The following TRAPPC8 variants were observed in gnomAD, a reference collection of about 807,000 sequenced individuals.
TRAPPC8 encodes trafficking protein particle complex subunit 8.
Under a neutral mutation model 174.3 loss-of-function variants are expected in TRAPPC8, and 54 were observed. That is an observed-to-expected ratio of 0.31 (90% CI 0.25 to 0.39). The LOEUF (loss-of-function observed/expected upper bound fraction) is 0.39, where lower values mean the gene tolerates loss of function less well. TRAPPC8 is among the 10% of genes least tolerant of loss of function. TRAPPC8 has a pLI of 1.00. For synonymous variants in TRAPPC8, 630 were observed against 579.9 expected (o/e 1.09, Z -1.24); for missense variants, 1,531 against 1,699.1 (o/e 0.90, Z 1.74).
intron 12 of TRAPPC8, among the ~76,000 whole-genome samples, chr18:31,881,948 T>A (rs2035476622): frequency 1.3e-5 from 2 of 152,102 alleles, no homozygotes; most frequent in Admixed American, 6.6e-5. Context: ...CATACCAGTT[T>A]AGAATGGCTA....
At chr18:31,873,643 G>T in intron 13 of TRAPPC8, 105 bp from the exon 14 acceptor site, 1 of 715,696 alleles carries the variant, frequency 1.4e-6, no homozygotes, top group Non-Finnish European at 2.3e-6. Context: ...TGTTAAGCAA[G>T]AATATTAAGA....
rs1276045912 is a variant in TRAPPC8 at position 31,861,935 on chromosome 18, A to G, written c.2745+2692T>C. Reference sequence around the variant, plus strand: ...GCGATCCCGTCTCCAGAAAAAAAAAAAGGGGGGGGGGGGCGGTGGGGGAGG... The same window carrying G: ...GCGATCCCGTCTCCAGAAAAAAAAAGAGGGGGGGGGGGGCGGTGGGGGAGG... On this transcript the variant is annotated intron_variant, in intron 19 of 28. Coordinates refer to ENST00000283351, the MANE Select transcript of TRAPPC8 (RefSeq NM_014939.5). Among the ~76,000 whole-genome samples the G allele has an allele frequency of 5.2e-4, 24 of 46,238 alleles. No individual in the cohort carries two copies. The East Asian group carries it at 7.1e-3, about 14-fold the overall frequency. 30.3% of individuals were successfully genotyped at this position (46,238 alleles called of 152,430 possible). A position where few individuals can be genotyped will look rare whatever the true frequency, so the allele number is the denominator to read the frequency against.
At chr18:31,938,074 G>A (rs938807804) in intron 1 of TRAPPC8, among the ~76,000 whole-genome samples, 2 of 152,054 alleles carry the variant, frequency 1.3e-5, no homozygotes, top group African/African-American at 4.8e-5. Flanking sequence ...CCAAGTTAGT[G>A]TTTAAGTGAA....
In TRAPPC8 at chr18:31,857,608, A is replaced by C; in HGVS notation, c.3120T>G (p.Asp1040Glu). Residue 1040 changes from aspartate to glutamate, a missense_variant, in exon 20 of 29, where the codon GAT becomes GAG. Coordinates refer to ENST00000283351, the MANE Select transcript of TRAPPC8 (RefSeq NM_014939.5). ...VQLPMWLRGP[D>E]EEGVHEINFL... ...AGTTAATTTCATGGACACCTTCTTC[A>C]TCAGGCCCACGTAACCACATTGGCA... The C allele has an allele frequency of 6.2e-7, 1 of 1,613,462 alleles. No homozygotes were observed. The highest frequency in any genetic ancestry group is 8.5e-7 in the Non-Finnish European group (1 of 1,179,818).
At chr18:31,940,780 A>G (rs529502111) in intron 1 of TRAPPC8, among the ~76,000 whole-genome samples, 15 of 152,158 alleles carry the variant, frequency 9.9e-5, no homozygotes, top group Admixed American at 5.9e-4. Flanking sequence ...TACAAGCGTG[A>G]GCCACCGCGC....
At chr18:31,941,111 CAT>C (rs1403633240) in intron 1 of TRAPPC8, among the ~76,000 whole-genome samples, 4 of 152,116 alleles carry the variant, frequency 2.6e-5, no homozygotes, top group African/African-American at 9.7e-5. Flanking sequence ...AAAGAGTACA[CAT>C]ATAAAAGTAA....
At chr18:31,876,505 A>AAAAAAAAAAAAAAAAAAC (rs2035158984) in intron 12 of TRAPPC8, among the ~76,000 whole-genome samples, 1 of 150,044 alleles carries the variant, frequency 6.7e-6, no homozygotes, top group Non-Finnish European at 1.5e-5. Context: ...AAAAAAAAAA[A>AAAAAAAAAAAAAAAAAAC]AAAAAAAGAT....
In TRAPPC8 at chr18:31,908,710, T is replaced by A. The variant is rs200182599; in HGVS notation, c.1122+44A>T. ...GTTTAATAATTCTTAAATTTACTAT[T>A]TACTTAAATTTTTAAAATACTAATC... On this transcript the variant is annotated intron_variant, in intron 7 of 28. Transcript: ENST00000283351. 6.2e-6 allele frequency: 9 copies of A among 1,462,038 alleles called. No homozygotes were observed. In the Admixed American group the frequency reaches 1.7e-4, roughly 27 times the overall value. 90.6% of individuals were successfully genotyped at this position (1,462,038 alleles called of 1,614,324 possible). A position where few individuals can be genotyped will look rare whatever the true frequency, so the allele number is the denominator to read the frequency against.
At chr18:31,867,596 T>TAATGA in intron 16 of TRAPPC8, 120 bp from the exon 17 acceptor site, 18 of 666,426 alleles carry the variant, frequency 2.7e-5, no homozygotes, top group South Asian at 1.6e-4. Context: ...TACTTGGTTT[T>TAATGA]TACCACATGC....
At chr18:31,872,776 TTAAAA>T (rs1399815854) in intron 14 of TRAPPC8, among the ~76,000 whole-genome samples, 3 of 152,272 alleles carry the variant, frequency 2.0e-5, no homozygotes, top group African/African-American at 4.8e-5. Flanking sequence ...CAAGTGGATG[TTAAAA>T]TAAAGTACTT....
intron 8 of TRAPPC8, 28 bp from the exon 9 acceptor site, chr18:31,907,638 AATTT>A: frequency 6.5e-7 from 1 of 1,540,984 alleles, no homozygotes; most frequent in Non-Finnish European, 8.8e-7. Context: ...AATAATTTAT[AATTT>A]ATTACCCCCC....
chr18:31,831,122 G>A (rs1204903090), intron 28 of TRAPPC8, 133 bp from the exon 29 acceptor site: 13 of 664,674 alleles, frequency 2.0e-5, no homozygotes, highest in Non-Finnish European at 3.3e-5. Flanking sequence ...GGAGGCTGAG[G>A]CAGGTGGATC....
At chr18:31,880,093 ATATATATATATATATAT>A (rs2035356839) in intron 12 of TRAPPC8, among the ~76,000 whole-genome samples, 1 of 63,336 alleles carries the variant, frequency 1.6e-5, no homozygotes, top group Non-Finnish European at 3.3e-5. Flanking sequence ...AAAAAAAAAT[ATATATATATATATATAT>A]ATATATATAT....
chr18:31,837,959 A>AAG (rs952168179), intron 27 of TRAPPC8, among the ~76,000 whole-genome samples: 3 of 144,266 alleles, frequency 2.1e-5, no homozygotes, highest in African/African-American at 7.7e-5. Flanking sequence ...GTTAAAAAAA[A>AAG]AATCACTTAA....
rs542512055 is a variant in TRAPPC8 at position 31,886,210 on chromosome 18, T to C, written c.1728+4525A>G. Among the ~76,000 whole-genome samples the C allele has an allele frequency of 7.9e-5, 12 of 151,890 alleles. No homozygotes were observed. The South Asian group carries it at 2.3e-3, about 29-fold the overall frequency. ...TTTTAGTAGAGATGGGGTTTCTCCA[T>C]GTTGGTCAGACTGGTCTCGAACTCC... On this transcript the variant is annotated intron_variant, in intron 12 of 28. Transcript: ENST00000283351.
chr18:31,880,211 CA>C, intron 12 of TRAPPC8, among the ~76,000 whole-genome samples: 1 of 139,990 alleles, frequency 7.1e-6, no homozygotes, highest in Non-Finnish European at 1.5e-5. Context: ...AAAAAGAAAA[CA>C]AGTCAATACC....
At chr18:31,900,903 T>A in intron 10 of TRAPPC8, 22 bp downstream of exon 10, 1 of 1,495,672 alleles carries the variant, frequency 6.7e-7, no homozygotes, top group Non-Finnish European at 9.1e-7. Context: ...GGATACAATA[T>A]AAATCTTATA....
chr18:31,898,578 T>C (rs1568109515), intron 10 of TRAPPC8, among the ~76,000 whole-genome samples: 1 of 152,228 alleles, frequency 6.6e-6, no homozygotes, highest in Non-Finnish European at 1.5e-5. Flanking sequence ...TGTGTTTCAT[T>C]TTGCTGGCTA....
chr18:31,890,764 C>A lies in TRAPPC8; in HGVS notation c.1699G>T (p.Ala567Ser). The change falls in exon 12 of 29, where the codon GCA becomes TCA. Residue 567 changes from alanine (A) to serine (S), a missense_variant. By Grantham distance (99) the Ala-to-Ser change is moderately conservative (BLOSUM62 1). Transcript: ENST00000283351. ...CCTGCTTTACTAAATCGATGGCCTGCCAATATCATATGAAATGCATATTTT... is the reference window on the plus strand; with the variant it reads ...CCTGCTTTACTAAATCGATGGCCTGACAATATCATATGAAATGCATATTTT... The part of the protein sequence containing the change: ...VRKYAFHMIL[A>S]GHRFSKAGQK... The A allele has an allele frequency of 6.2e-7, 1 of 1,611,558 alleles. No individual in the cohort carries two copies. Among genetic ancestry groups the A allele is most frequent in the African/African-American group, 1.3e-5 (1 of 74,944 alleles).
Sources: allele counts gnomAD v4.1 joint callset (sites outside exome capture counted in the v4.1 genomes callset), GRCh38; gene constraint gnomAD v4.1.1; transcripts MANE v1.5; gene names NCBI Gene and HGNC (gene_info 2026-07-23, HGNC 2026-07-21).